The following ZNF782 variants were observed in gnomAD, a reference collection of about 807,000 sequenced individuals.
ZNF782 encodes zinc finger protein 782.
ZNF782 carries 12 observed loss-of-function variants against 13.0 expected under a neutral mutation model. That is an observed-to-expected ratio of 0.92 (90% confidence interval 0.59 to 1.50). The LOEUF (loss-of-function observed/expected upper bound fraction) is 1.50. ZNF782 is among the 40% of genes most tolerant of loss of function. The pLI, the probability that ZNF782 is intolerant of heterozygous loss-of-function variation, is 0.00. For synonymous variants in ZNF782, 284 were observed against 283.0 expected (o/e 1.00, Z -0.04); for missense variants, 770 against 822.9 (o/e 0.94, Z 0.79).
At chr9:96,822,321 G>A (rs10979175) in intron 5 of ZNF782, among the ~76,000 whole-genome samples, 4 of 152,100 alleles carry the variant, frequency 2.6e-5, no homozygotes. Context: ...TCAATATATA[G>A]AAGAGTAAAG....
the ZNF782 span, chr9:96,891,524 C>A: frequency 2.6e-5 from 4 of 151,536 alleles, no homozygotes; most frequent in Non-Finnish European, 5.9e-5. Context: ...AGGTGATGTT[C>A]CCTCATGGCC....
chr9:96,932,978 C>CTTTTTTTTTT, the ZNF782 span, among the ~76,000 whole-genome samples: 4 of 129,420 alleles, frequency 3.1e-5, no homozygotes, highest in East Asian at 2.7e-4. Flanking sequence ...CTTTTCTTTT[C>CTTTTTTTTTT]TTTTTTTTTT....
intron 1 of ZNF782, among the ~76,000 whole-genome samples, chr9:96,869,320 T>C (rs1349092152): frequency 6.6e-6 from 1 of 152,232 alleles, no homozygotes; most frequent in Admixed American, 6.5e-5. Flanking sequence ...GGTTTTCCTT[T>C]TGAACTGCTA....
the ZNF782 span, among the ~76,000 whole-genome samples, chr9:96,901,270 CT>C: frequency 0.047 from 5,909 of 126,878 alleles, 149 homozygotes; most frequent in East Asian, 0.18. Flanking sequence ...TGAAAAAAAA[CT>C]TTTTTTTTTT....
In ZNF782 at chr9:96,819,597, C is replaced by G. The variant is rs767141277; in HGVS notation, c.426G>C (p.Gly142=). 4.2e-5 allele frequency: 68 copies of G among 1,613,860 alleles called. 1 individual carries two copies. In the South Asian group the frequency reaches 7.3e-4, roughly 17 times the overall value. The change falls in exon 6 of 6, where the codon GGG becomes GGC. Residue 142 remains glycine, a synonymous_variant. Transcript: ENST00000481138. Reference sequence around the variant, plus strand: ...TCAGGCTGAGCCCCTGGCAAGCAGACCCCGCAATGTCACATTTACAAGGCA... The same window carrying G: ...TCAGGCTGAGCCCCTGGCAAGCAGAGCCCGCAATGTCACATTTACAAGGCA... ...RMMPCKCDIA[G]SACQGLSLMA... is the part of the protein sequence containing the mutation.
the ZNF782 span, among the ~76,000 whole-genome samples, chr9:96,911,901 G>C: frequency 6.6e-6 from 1 of 151,958 alleles, no homozygotes. Context: ...TGGTTTATAT[G>C]ATTTGGTTAA....
the ZNF782 span, among the ~76,000 whole-genome samples, chr9:96,917,887 C>CGCGTGTGT: frequency 8.2e-6 from 1 of 121,682 alleles, no homozygotes; most frequent in African/African-American, 3.6e-5. Context: ...CCACCCTTGG[C>CGCGTGTGT]GTGTGTGTGT....
the ZNF782 span, among the ~76,000 whole-genome samples, chr9:96,925,174 T>G: frequency 1.1e-4 from 17 of 152,124 alleles, no homozygotes; most frequent in African/African-American, 4.1e-4. Context: ...GGCTGCGCGC[T>G]GGAACCCCGC....
At position 96,816,565 on chromosome 9, in the gene ZNF782, AAAC is replaced by A. The variant is rs1850176184; in HGVS notation, c.*1355_*1357del. The A allele has an allele frequency of 6.6e-6, 1 of 152,222 alleles. No individual in the cohort carries two copies. Among genetic ancestry groups the A allele is most frequent in the African/African-American group, 2.4e-5 (1 of 41,462 alleles). The allele number at this position is 152,222 out of a possible 1,614,324, so 9.4% of individuals were successfully genotyped here. ...ATTAAAAGTTTTGATATTATATGTG[AAAC>A]AACAGTTCTGATAAAGCAATATCTA... On this transcript the variant is annotated 3_prime_UTR_variant, in exon 6 of 6. Transcript: ENST00000481138.
chr9:96,890,365 C>G, the ZNF782 span: 3 of 152,340 alleles, frequency 2.0e-5, no homozygotes, highest in African/African-American at 7.2e-5. Flanking sequence ...TCTGTCACTG[C>G]AGCTTCAACC....
At chr9:96,830,460 T>G (rs1366627302) in intron 4 of ZNF782, among the ~76,000 whole-genome samples, 1 of 152,134 alleles carries the variant, frequency 6.6e-6, no homozygotes, top group Admixed American at 6.5e-5. Flanking sequence ...AGTGAAGGCA[T>G]AATGGGGATG....
chr9:96,828,632 C>G (rs921336507), intron 4 of ZNF782, among the ~76,000 whole-genome samples: 1 of 152,106 alleles, frequency 6.6e-6, no homozygotes, highest in Non-Finnish European at 1.5e-5. Flanking sequence ...GAGTTCAAGA[C>G]CAGCCTGGGC....
intron 1 of ZNF782, among the ~76,000 whole-genome samples, chr9:96,871,210 T>C (rs1851822182): frequency 6.6e-6 from 1 of 152,160 alleles, no homozygotes; most frequent in Admixed American, 6.5e-5. Context: ...GCTTGTGCCC[T>C]CCAGAGCACT....
the ZNF782 span, among the ~76,000 whole-genome samples, chr9:96,881,796 A>G: frequency 2.0e-5 from 3 of 152,088 alleles, no homozygotes; most frequent in South Asian, 4.1e-4. Context: ...TCTTATGCCA[A>G]TATCACACTA....
the ZNF782 span, among the ~76,000 whole-genome samples, chr9:96,910,950 A>G: frequency 0.018 from 2,607 of 148,790 alleles, 29 homozygotes; most frequent in Non-Finnish European, 0.028. Context: ...TTTTTTCTTA[A>G]AAGTACTTTA....
At chr9:96,876,166 C>T (rs1386163879), upstream of ZNF782, among the ~76,000 whole-genome samples, 2 of 152,156 alleles carry the variant, frequency 1.3e-5, no homozygotes, top group African/African-American at 4.8e-5. Context: ...ACGTTGGAAA[C>T]AATTTGGGAA....
the ZNF782 span, chr9:96,892,958 C>G: frequency 6.6e-6 from 1 of 151,424 alleles, no homozygotes; most frequent in Non-Finnish European, 1.5e-5. Context: ...ACAATATGAT[C>G]AATAGGGTTT....
In ZNF782 at chr9:96,852,474, T is replaced by C. The variant is rs571887787; in HGVS notation, c.-45+379A>G. Among the ~76,000 whole-genome samples, 9 of 152,252 alleles carry C rather than the reference T, an allele frequency of 5.9e-5. No homozygotes were observed. In the East Asian group the frequency reaches 9.7e-4, roughly 16 times the overall value. ...GGGCAACATGGCATGACCTTGTCTC[T>C]ACAGAAAATAAAAACTTAAAAAATT... On this transcript the variant is annotated intron_variant, in intron 2 of 5. Transcript: ENST00000481138.
At chr9:96,822,508 T>G (rs1196532506) in intron 5 of ZNF782, among the ~76,000 whole-genome samples, 4 of 152,198 alleles carry the variant, frequency 2.6e-5, no homozygotes, top group Non-Finnish European at 4.4e-5. Context: ...ACCACAGAAG[T>G]AGGAATTTAA....
Sources: allele counts gnomAD v4.1 joint callset (sites outside exome capture counted in the v4.1 genomes callset), GRCh38; gene constraint gnomAD v4.1.1; transcripts MANE v1.5; gene names NCBI Gene and HGNC (gene_info 2026-07-23, HGNC 2026-07-21).